DENND1A: variants seen among roughly 807,000 people sequenced by gnomAD.
DENND1A encodes DENN domain containing 1A, also known as DENN domain-containing protein 1A.
A neutral mutation model predicts 113.7 loss-of-function variants in DENND1A; 51 were observed. That is an observed-to-expected ratio of 0.45 (90% CI 0.36 to 0.57). DENND1A has a LOEUF of 0.57. Ranked by LOEUF, DENND1A falls within the 20% of genes least tolerant of loss-of-function variation. The pLI, the probability that DENND1A is intolerant of heterozygous loss-of-function variation, is 0.00. For synonymous variants in DENND1A, 565 were observed against 570.8 expected (o/e 0.99, Z 0.14); for missense variants, 1,258 against 1,395.9 (o/e 0.90, Z 1.57).
intron 12 of DENND1A, among the ~76,000 whole-genome samples, chr9:123,573,977 A>T (rs772911077): frequency 7.5e-5 from 11 of 147,468 alleles, no homozygotes; most frequent in Non-Finnish European, 1.4e-4. Flanking sequence ...TTTTTCCTAA[A>T]TTTTTTTTTT....
At chr9:123,514,065 G>GGTGTGTGTGTGT (rs775882728) in intron 13 of DENND1A, among the ~76,000 whole-genome samples, 8,549 of 109,134 alleles carry the variant, frequency 0.078, 311 homozygotes, top group Admixed American at 0.098. Flanking sequence ...TCTATTTTGA[G>GGTGTGTGTGTGT]GTGTGTGTGT....
At chr9:123,903,331 CAAAAAAAAAAAAA>C (rs869154918) in intron 1 of DENND1A, among the ~76,000 whole-genome samples, 7 of 27,020 alleles carry the variant, frequency 2.6e-4, no homozygotes, top group Admixed American at 5.1e-4. Flanking sequence ...GACTCCGTCT[CAAAAAAAAAAAAA>C]AAAAAAAAAA....
intron 2 of DENND1A, among the ~76,000 whole-genome samples, chr9:123,848,879 A>G (rs1842972995): frequency 6.6e-6 from 1 of 152,228 alleles, no homozygotes; most frequent in Non-Finnish European, 1.5e-5. Flanking sequence ...CCCTTACACA[A>G]AAGCCTGATC....
At chr9:123,654,119 T>G (rs2062811923) in intron 8 of DENND1A, among the ~76,000 whole-genome samples, 1 of 152,168 alleles carries the variant, frequency 6.6e-6, no homozygotes, top group Non-Finnish European at 1.5e-5. Flanking sequence ...GTTCCTCCAC[T>G]GGACGGAGGA....
chr9:123,450,583 T>G (rs2132665890), intron 18 of DENND1A, 110 bp downstream of exon 18: 1 of 743,224 alleles, frequency 1.3e-6, no homozygotes, highest in East Asian at 2.9e-5. Flanking sequence ...CATTTTGAAG[T>G]GTGTTAACAA....
chr9:123,415,393 G>A (rs541614027), intron 19 of DENND1A, among the ~76,000 whole-genome samples: 6 of 152,306 alleles, frequency 3.9e-5, no homozygotes, highest in African/African-American at 1.2e-4. Context: ...AGAGAAAGGT[G>A]AACTCCCAGG....
At chr9:123,747,753 C>A (rs2069639858) in intron 5 of DENND1A, among the ~76,000 whole-genome samples, 4 of 152,132 alleles carry the variant, frequency 2.6e-5, no homozygotes, top group Admixed American at 2.6e-4. Context: ...CTTAATGTTA[C>A]AATTTGCATT....
chr9:123,860,989 T>A (rs958230939), intron 2 of DENND1A, among the ~76,000 whole-genome samples: 3 of 152,128 alleles, frequency 2.0e-5, no homozygotes, highest in Non-Finnish European at 2.9e-5. Context: ...CTACAAAGGG[T>A]AATCAGTGAT....
chr9:123,676,104 T>C (rs926775639), intron 6 of DENND1A, among the ~76,000 whole-genome samples: 7 of 152,312 alleles, frequency 4.6e-5, no homozygotes, highest in African/African-American at 1.7e-4. Context: ...TATCTGAAAA[T>C]GTGGGCTACA....
intron 3 of DENND1A, among the ~76,000 whole-genome samples, chr9:123,780,517 A>C (rs1831145415): frequency 6.6e-6 from 1 of 152,250 alleles, no homozygotes. Flanking sequence ...TTTAATCCTC[A>C]TAGGAAGCAG....
rs59287196 is a variant in DENND1A at position 123,581,355 on chromosome 9, TG to T, written c.867+1813del. Among the ~76,000 whole-genome samples, 90 of 152,254 alleles carry T rather than the reference TG, an allele frequency of 5.9e-4. 1 individual carries two copies. In the East Asian group the frequency reaches 0.015, roughly 25 times the overall value. On this transcript the variant is annotated intron_variant, in intron 12 of 23. Transcript: ENST00000394215. The stretch of plus-strand genomic sequence containing the variant: ...GAGAAGTTTGAAATCCTGTTACGGC[TG>T]GGCACAGTGGCTCATGCTTGTAATC...
chr9:123,890,055 ATACTT>A (rs931957841), intron 1 of DENND1A, among the ~76,000 whole-genome samples: 3 of 152,166 alleles, frequency 2.0e-5, no homozygotes. Context: ...CATCTGTAAA[ATACTT>A]TATGGTTACC....
At chr9:123,840,747 G>A (rs985585364) in intron 2 of DENND1A, among the ~76,000 whole-genome samples, 1 of 152,024 alleles carries the variant, frequency 6.6e-6, no homozygotes, top group African/African-American at 2.4e-5. Flanking sequence ...TTCTTTCCAA[G>A]ATTTATGCAA....
intron 13 of DENND1A, among the ~76,000 whole-genome samples, chr9:123,536,051 C>T (rs573742328): frequency 3.9e-5 from 6 of 152,258 alleles, no homozygotes; most frequent in Admixed American, 3.3e-4. Flanking sequence ...TATAGCAAAA[C>T]CTCAAATATG....
intron 5 of DENND1A, among the ~76,000 whole-genome samples, chr9:123,729,974 T>C (rs1285943274): frequency 2.0e-5 from 3 of 152,158 alleles, no homozygotes; most frequent in Non-Finnish European, 2.9e-5. Context: ...AACCAACTGA[T>C]CTTTGAAAAA....
At chr9:123,457,567 A>C (rs554245787) in intron 14 of DENND1A, 132 bp from the exon 15 acceptor site, 1 of 816,576 alleles carries the variant, frequency 1.2e-6, no homozygotes, top group South Asian at 1.7e-5. Flanking sequence ...GTTTCTTTCT[A>C]AAATACCGGC....
chr9:123,733,302 C>T (rs2068319975), intron 5 of DENND1A, among the ~76,000 whole-genome samples: 1 of 147,354 alleles, frequency 6.8e-6, no homozygotes, highest in African/African-American at 2.5e-5. Flanking sequence ...TTTTTAAAGA[C>T]AGGATCTGAC....
At chr9:123,425,976 C>T (rs1040219971) in intron 19 of DENND1A, among the ~76,000 whole-genome samples, 2 of 152,188 alleles carry the variant, frequency 1.3e-5, no homozygotes, top group South Asian at 2.1e-4. Flanking sequence ...CAAATAAATA[C>T]GAGGCGCTAG....
chr9:123,775,854 T>C (rs1830399762), intron 3 of DENND1A, among the ~76,000 whole-genome samples: 1 of 152,134 alleles, frequency 6.6e-6, no homozygotes, highest in Non-Finnish European at 1.5e-5. Context: ...AAGCAGTCGA[T>C]AATGGGCCCA....
Sources: gnomAD v4.1 joint callset for allele counts (sites outside exome capture counted in the v4.1 genomes callset) on GRCh38, gnomAD v4.1.1 for gene constraint, MANE v1.5 for transcripts, NCBI Gene and HGNC (gene_info 2026-07-23, HGNC 2026-07-21) for gene names.